CNTN5: variants seen among roughly 807,000 people sequenced by gnomAD.
The protein encoded by CNTN5 is contactin-5.
A neutral mutation model predicts 129.1 loss-of-function variants in CNTN5; 77 were observed. That is an observed-to-expected ratio of 0.60 (90% CI 0.50 to 0.72). The LOEUF is 0.72. CNTN5 is among the 30% of genes least tolerant of loss of function. The probability of loss-of-function intolerance (pLI) is 0.00; values close to 1 mark genes in which losing one functional copy is unlikely to be tolerated. For synonymous variants in CNTN5, 509 were observed against 465.6 expected, an observed-to-expected ratio of 1.09 and a Z score of -1.20; for missense variants, 1,478 against 1,328.8, an observed-to-expected ratio of 1.11 and a Z score of -1.75.
At chr11:99,279,423 A>T (rs949813584) in intron 1 of CNTN5, among the ~76,000 whole-genome samples, 1 of 151,828 alleles carries the variant, frequency 6.6e-6, no homozygotes, top group African/African-American at 2.4e-5. Flanking sequence ...AGACTAATCA[A>T]TCTAATTCCA....
At chr11:99,786,384 C>T (rs1165627222) in intron 3 of CNTN5, among the ~76,000 whole-genome samples, 2 of 151,656 alleles carry the variant, frequency 1.3e-5, no homozygotes, top group Non-Finnish European at 2.9e-5. Context: ...ACATTCCATG[C>T]CCATGGATAG....
chr11:100,164,003 C>G (rs1947540292), intron 13 of CNTN5, among the ~76,000 whole-genome samples: 1 of 151,748 alleles, frequency 6.6e-6, no homozygotes, highest in Non-Finnish European at 1.5e-5. Context: ...CTATCTGACT[C>G]AAGTCTACAC....
chr11:99,073,120 T>G (rs1865405897), intron 1 of CNTN5, among the ~76,000 whole-genome samples: 1 of 152,180 alleles, frequency 6.6e-6, no homozygotes, highest in Admixed American at 6.6e-5. Flanking sequence ...TTAGTACAAT[T>G]TATTTATTCT....
intron 9 of CNTN5, among the ~76,000 whole-genome samples, chr11:100,050,112 A>G (rs1942876530): frequency 6.6e-6 from 1 of 152,186 alleles, no homozygotes; most frequent in African/African-American, 2.4e-5. Flanking sequence ...TGACCCAGCC[A>G]TCCCATTACT....
At chr11:99,309,284 A>C (rs1205340809) in intron 1 of CNTN5, among the ~76,000 whole-genome samples, 2 of 151,446 alleles carry the variant, frequency 1.3e-5, no homozygotes, top group Admixed American at 6.6e-5. Flanking sequence ...GAAATTCTGA[A>C]TCATGGATCC....
chr11:99,908,864 C>T (rs1218085378), intron 6 of CNTN5, among the ~76,000 whole-genome samples: 1 of 151,978 alleles, frequency 6.6e-6, no homozygotes, highest in Admixed American at 6.6e-5. Flanking sequence ...TGCTGGTTTT[C>T]TTTGGTTTCT....
intron 18 of CNTN5, among the ~76,000 whole-genome samples, chr11:100,285,501 T>A (rs1002251445): frequency 6.6e-6 from 1 of 152,200 alleles, no homozygotes; most frequent in Admixed American, 6.5e-5. Flanking sequence ...TGCCTTTTCA[T>A]CTTATCTAAT....
chr11:99,831,300 T>C (rs1363749550), intron 4 of CNTN5, among the ~76,000 whole-genome samples: 1 of 152,182 alleles, frequency 6.6e-6, no homozygotes, highest in African/African-American at 2.4e-5. Flanking sequence ...TGGAAGTGTT[T>C]TTCCTGCAAA....
chr11:99,213,375 T>TATATATAC (rs1859928411), intron 1 of CNTN5, among the ~76,000 whole-genome samples: 1 of 137,856 alleles, frequency 7.3e-6, no homozygotes, highest in Non-Finnish European at 1.5e-5. Context: ...TGTATATATG[T>TATATATAC]ATATACATAT....
rs575092500 is a variant in CNTN5 at position 99,049,080 on chromosome 11, A to G, written c.-210+27810A>G. ...AGTATATGCCATGCCTGTTCTAAGTAGTAAAACATATGGGTTAAGAATATT... is the reference window on the plus strand; with the variant it reads ...AGTATATGCCATGCCTGTTCTAAGTGGTAAAACATATGGGTTAAGAATATT... On this transcript the variant is annotated intron_variant, in intron 1 of 24. Coordinates refer to ENST00000524871, the MANE Select transcript of CNTN5 (RefSeq NM_014361.4). Among the ~76,000 whole-genome samples the G allele has an allele frequency of 2.6e-5, 4 of 152,290 alleles. No homozygotes were observed. In the East Asian group the frequency reaches 7.7e-4, roughly 29 times the overall value.
intron 3 of CNTN5, among the ~76,000 whole-genome samples, chr11:99,662,672 A>G (rs1286925642): frequency 6.6e-6 from 1 of 152,226 alleles, no homozygotes; most frequent in African/African-American, 2.4e-5. Flanking sequence ...ATTTAGCATC[A>G]TTATATTCTA....
At chr11:99,526,111 G>A (rs142123774) in intron 2 of CNTN5, among the ~76,000 whole-genome samples, 1 of 152,288 alleles carries the variant, frequency 6.6e-6, no homozygotes, top group African/African-American at 2.4e-5. Flanking sequence ...AAAACTGTAA[G>A]GCTATATTAA....
intron 3 of CNTN5, among the ~76,000 whole-genome samples, chr11:99,712,793 G>A (rs1955048363): frequency 6.6e-6 from 1 of 151,914 alleles, no homozygotes; most frequent in Non-Finnish European, 1.5e-5. Context: ...GGTTCTTGAT[G>A]TGTGGTATTA....
At chr11:99,947,637 C>T (rs1950581658) in intron 7 of CNTN5, among the ~76,000 whole-genome samples, 1 of 152,080 alleles carries the variant, frequency 6.6e-6, no homozygotes, top group South Asian at 2.1e-4. Flanking sequence ...TCTGCTGCAC[C>T]TATGTGATAA....
intron 3 of CNTN5, among the ~76,000 whole-genome samples, chr11:99,784,244 A>T (rs1299647883): frequency 1.3e-5 from 2 of 152,062 alleles, no homozygotes; most frequent in East Asian, 3.9e-4. Context: ...TGCTCCACCC[A>T]TCAACCCGTC....
rs375261841 is a variant in CNTN5 at position 100,006,787 on chromosome 11, C to T, written c.980+4651C>T. Among the ~76,000 whole-genome samples the T allele has an allele frequency of 1.9e-4, 29 of 152,092 alleles. No homozygotes were observed. The South Asian group carries it at 5.4e-3, about 28-fold the overall frequency. On this transcript the variant is annotated intron_variant, in intron 9 of 24. Coordinates refer to ENST00000524871, the MANE Select transcript of CNTN5 (RefSeq NM_014361.4). ...TTAATGGTATATAGAATGGCGAATC[C>T]TCTCTAGAAGGTTTACAATTTACTT...
intron 3 of CNTN5, among the ~76,000 whole-genome samples, chr11:99,608,686 C>A (rs988215318): frequency 6.6e-6 from 1 of 152,142 alleles, no homozygotes. Flanking sequence ...CTGTGAGATG[C>A]TAAACTTGTG....
intron 13 of CNTN5, among the ~76,000 whole-genome samples, chr11:100,112,816 T>C (rs1233217602): frequency 1.3e-5 from 2 of 152,144 alleles, no homozygotes; most frequent in African/African-American, 2.4e-5. Flanking sequence ...CAAAATGATA[T>C]AATTGAAGAG....
intron 8 of CNTN5, among the ~76,000 whole-genome samples, chr11:99,968,059 A>G (rs992056753): frequency 1.3e-5 from 2 of 152,200 alleles, no homozygotes; most frequent in African/African-American, 4.8e-5. Flanking sequence ...AGCTGTACAC[A>G]TCTTCGCAAA....
Sources: gnomAD v4.1 joint callset for allele counts (sites outside exome capture counted in the v4.1 genomes callset) on GRCh38, gnomAD v4.1.1 for gene constraint, MANE v1.5 for transcripts, NCBI Gene and HGNC (gene_info 2026-07-23, HGNC 2026-07-21) for gene names.